PTPN13: variants seen among roughly 807,000 people sequenced by gnomAD.
The protein encoded by PTPN13 is tyrosine-protein phosphatase non-receptor type 13.
PTPN13 carries 191 observed loss-of-function variants against 284.0 expected under a neutral mutation model. The ratio of observed to expected loss-of-function variants is 0.67; its 90% confidence interval spans 0.60 to 0.76. The LOEUF (loss-of-function observed/expected upper bound fraction) is 0.76. Ranked by LOEUF, PTPN13 falls within the 30% of genes least tolerant of loss-of-function variation. PTPN13 has a pLI of 0.00. For synonymous variants in PTPN13, 986 were observed against 1,022.3 expected (o/e 0.96, Z 0.68); for missense variants, 2,797 against 2,939.9 (o/e 0.95, Z 1.12).
chr4:86,689,370 C>T (rs1327025431), intron 5 of PTPN13, among the ~76,000 whole-genome samples, 180 bp downstream of exon 5: 1 of 152,062 alleles, frequency 6.6e-6, no homozygotes, highest in Admixed American at 6.6e-5. Flanking sequence ...TTTAGAAGCT[C>T]ATTGCAATAA....
chr4:86,770,222 T>A, intron 30 of PTPN13, 23 bp downstream of exon 30: 1 of 1,577,166 alleles, frequency 6.3e-7, no homozygotes, highest in Non-Finnish European at 8.7e-7. Flanking sequence ...AAAAGTAATT[T>A]ACAGTTTTAT....
chr4:86,655,069 C>T (rs1725593115), intron 2 of PTPN13, among the ~76,000 whole-genome samples: 1 of 152,238 alleles, frequency 6.6e-6, no homozygotes, highest in East Asian at 1.9e-4. Context: ...GCAACCCCTG[C>T]CTTTTTTTGT....
At chr4:86,635,448 A>T in intron 2 of PTPN13, 77 bp downstream of exon 2, 1 of 1,523,436 alleles carries the variant, frequency 6.6e-7, no homozygotes, top group Non-Finnish European at 8.8e-7. Context: ...AGGGTCAGAG[A>T]TTAGATTTTT....
intron 1 of PTPN13, among the ~76,000 whole-genome samples, chr4:86,621,859 C>G (rs1721290233): frequency 6.6e-6 from 1 of 151,874 alleles, no homozygotes. Context: ...TTCTTTGTCT[C>G]TTCCTTTTGC....
Position 86,785,846 on chromosome 4 carries a change from A to G in PTPN13, c.6257-2A>G. ...CTCTTGGCCTATATATTCCTCTCTC[A>G]GGTACATTAAAGATGAATGGGAAGT... On this transcript the variant is annotated splice_acceptor_variant, in intron 39 of 47. Coordinates refer to ENST00000411767, the MANE Select transcript of PTPN13 (RefSeq NM_080683.3). LOFTEE classifies it high-confidence loss of function. 6.5e-7 allele frequency: 1 copy of G among 1,541,328 alleles called. No homozygotes were observed. The highest frequency in any genetic ancestry group is 8.8e-7 in the Non-Finnish European group (1 of 1,135,854).
chr4:86,645,928 G>T (rs1718260674), intron 2 of PTPN13, among the ~76,000 whole-genome samples: 2 of 152,102 alleles, frequency 1.3e-5, no homozygotes, highest in Admixed American at 1.3e-4. Context: ...CTGATCTCAA[G>T]ATTTATTATA....
chr4:86,806,200 A>G (rs1222435029), intron 44 of PTPN13, among the ~76,000 whole-genome samples: 1 of 151,978 alleles, frequency 6.6e-6, no homozygotes, highest in Non-Finnish European at 1.5e-5. Flanking sequence ...TAATTTTTAC[A>G]TGTATAAAAA....
At chr4:86,625,391 C>T (rs1721716105) in intron 1 of PTPN13, among the ~76,000 whole-genome samples, 2 of 152,076 alleles carry the variant, frequency 1.3e-5, no homozygotes. Flanking sequence ...ACCCTCCTCC[C>T]TCATCCCAAC....
intron 19 of PTPN13, among the ~76,000 whole-genome samples, chr4:86,752,398 T>C (rs1490557298): frequency 6.6e-6 from 1 of 152,170 alleles, no homozygotes; most frequent in African/African-American, 2.4e-5. Flanking sequence ...TTTCAGAGAC[T>C]ATACTATCAA....
At chr4:86,651,680 A>G (rs1255242592) in intron 2 of PTPN13, among the ~76,000 whole-genome samples, 2 of 151,914 alleles carry the variant, frequency 1.3e-5, no homozygotes, top group Non-Finnish European at 2.9e-5. Flanking sequence ...GTCTATTGTT[A>G]TTTGGATTTC....
chr4:86,775,003 A>G (rs1201530124), intron 33 of PTPN13, among the ~76,000 whole-genome samples, 168 bp from the exon 34 acceptor site: 4 of 152,144 alleles, frequency 2.6e-5, no homozygotes, highest in Non-Finnish European at 5.9e-5. Context: ...CGTTGTGCCT[A>G]TGATTTCCAT....
chr4:86,811,637 T>G (rs1376956360), intron 47 of PTPN13, among the ~76,000 whole-genome samples: 1 of 152,202 alleles, frequency 6.6e-6, no homozygotes, highest in Non-Finnish European at 1.5e-5. Flanking sequence ...AAGGAAACCA[T>G]CACCCACTGA....
intron 19 of PTPN13, among the ~76,000 whole-genome samples, chr4:86,752,437 G>C (rs1737505639): frequency 6.6e-6 from 1 of 152,096 alleles, no homozygotes; most frequent in Non-Finnish European, 1.5e-5. Flanking sequence ...AAAAAACTTA[G>C]ATAAAAGGCA....
chr4:86,810,453 T>TA (rs907298546), intron 46 of PTPN13, among the ~76,000 whole-genome samples: 8 of 138,452 alleles, frequency 5.8e-5, no homozygotes, highest in East Asian at 2.1e-4. Flanking sequence ...TTACTCTACA[T>TA]AAAAAAATTA....
chr4:86,610,097 C>T (rs1380861124), intron 1 of PTPN13, among the ~76,000 whole-genome samples: 1 of 151,896 alleles, frequency 6.6e-6, no homozygotes, highest in Non-Finnish European at 1.5e-5. Context: ...TCCTGTAGTC[C>T]CAGCTACTTG....
At chr4:86,643,842 G>A (rs1724097305) in intron 2 of PTPN13, among the ~76,000 whole-genome samples, 1 of 152,074 alleles carries the variant, frequency 6.6e-6, no homozygotes, top group Non-Finnish European at 1.5e-5. Context: ...AAATCATTAT[G>A]AACTTACACC....
At chr4:86,685,692 T>G (rs902819523) in intron 3 of PTPN13, among the ~76,000 whole-genome samples, 2 of 152,244 alleles carry the variant, frequency 1.3e-5, no homozygotes, top group African/African-American at 4.8e-5. Flanking sequence ...CAAGTCTTTG[T>G]AATACCTCTA....
chr4:86,672,106 T>G (rs1578385485), intron 2 of PTPN13, among the ~76,000 whole-genome samples: 1 of 152,342 alleles, frequency 6.6e-6, no homozygotes, highest in African/African-American at 2.4e-5. Context: ...GGGCTCTATT[T>G]CTAGTTTCTA....
intron 10 of PTPN13, among the ~76,000 whole-genome samples, chr4:86,724,781 T>C (rs906512069): frequency 2.0e-4 from 31 of 152,120 alleles, no homozygotes; most frequent in Non-Finnish European, 3.5e-4. Context: ...TGATCTTTAT[T>C]ATATTCTGTG....
Sources: gnomAD v4.1 joint callset for allele counts (sites outside exome capture counted in the v4.1 genomes callset) on GRCh38, gnomAD v4.1.1 for gene constraint, MANE v1.5 for transcripts, NCBI Gene and HGNC (gene_info 2026-07-23, HGNC 2026-07-21) for gene names.